The following BTLA variants were observed in gnomAD, a reference collection of about 807,000 sequenced individuals.
BTLA encodes the protein B- and T-lymphocyte attenuator.
In BTLA, 11 loss-of-function variants were observed where a neutral mutation model predicts 25.0. The ratio of observed to expected loss-of-function variants is 0.44; its 90% CI spans 0.28 to 0.73. The LOEUF is 0.73. Ranked by LOEUF, BTLA falls within the 30% of genes least tolerant of loss-of-function variation. The probability of loss-of-function intolerance (pLI) is 0.15; values close to 1 mark genes in which losing one functional copy is unlikely to be tolerated. For synonymous variants in BTLA, 104 were observed against 119.8 expected (o/e 0.87, Z 0.86); for missense variants, 282 against 332.8 (o/e 0.85, Z 1.19).
intron 1 of BTLA, among the ~76,000 whole-genome samples, chr3:112,483,554 T>A (rs902084174): frequency 6.6e-6 from 1 of 152,186 alleles, no homozygotes; most frequent in South Asian, 2.1e-4. Flanking sequence ...GGACGTTGCA[T>A]GCTGGTTGTT....
chr3:112,481,620 G>A, intron 1 of BTLA, among the ~76,000 whole-genome samples: 1 of 152,194 alleles, frequency 6.6e-6, no homozygotes, highest in Non-Finnish European at 1.5e-5. Flanking sequence ...AGCCTCAAAG[G>A]CTTTGAAATG....
intron 2 of BTLA, among the ~76,000 whole-genome samples, chr3:112,477,358 T>A (rs75845963): frequency 8.2e-4 from 1 of 1,222 alleles, no homozygotes; most frequent in African/African-American, 9.2e-4. Flanking sequence ...ATTTTCTGTG[T>A]TTTTTTTTTT....
At chr3:112,480,780 A>C (rs2082313955) in intron 1 of BTLA, among the ~76,000 whole-genome samples, 1 of 152,202 alleles carries the variant, frequency 6.6e-6, no homozygotes, top group Non-Finnish European at 1.5e-5. Flanking sequence ...GGGGGCATTC[A>C]AACCATAGCA....
chr3:112,473,150 GA>G (rs1336138017), intron 2 of BTLA, among the ~76,000 whole-genome samples: 1 of 151,536 alleles, frequency 6.6e-6, no homozygotes, highest in African/African-American at 2.4e-5. Flanking sequence ...CTGAAATAGA[GA>G]AACAAGGTAA....
At chr3:112,489,283 G>A (rs190579806) in intron 1 of BTLA, among the ~76,000 whole-genome samples, 2 of 152,138 alleles carry the variant, frequency 1.3e-5, no homozygotes, top group East Asian at 1.9e-4. Context: ...GTATAGTCTC[G>A]TAACTCCCAG....
In BTLA at chr3:112,492,163, A is replaced by G. The variant is rs17515829; in HGVS notation, c.88+7108T>C. On this transcript the variant is annotated intron_variant, in intron 1 of 4. Transcript: ENST00000334529. ...AGGCCAGAGGATTCATATGCATTGCACTCCTTAGAGCCCTGTCTACTCTGT... is the reference window on the plus strand; with the variant it reads ...AGGCCAGAGGATTCATATGCATTGCGCTCCTTAGAGCCCTGTCTACTCTGT... Among the ~76,000 whole-genome samples, 1,242 of 152,142 alleles carry G rather than the reference A, an allele frequency of 8.2e-3. 5 individuals are homozygous for G. Among genetic ancestry groups the G allele is most frequent in the Middle Eastern group, 0.017 (5 of 294 alleles).
At chr3:112,485,756 A>G (rs757241833) in intron 1 of BTLA, among the ~76,000 whole-genome samples, 2 of 152,108 alleles carry the variant, frequency 1.3e-5, no homozygotes, top group Non-Finnish European at 2.9e-5. Flanking sequence ...TCAAGCATTC[A>G]TATCTGATGA....
intron 2 of BTLA, among the ~76,000 whole-genome samples, chr3:112,476,164 G>A (rs535440902): frequency 2.6e-5 from 4 of 152,154 alleles, no homozygotes; most frequent in African/African-American, 9.7e-5. Context: ...TCCTGAAGAG[G>A]TTTATAAGCC....
intron 4 of BTLA, 80 bp downstream of exon 4, chr3:112,469,678 G>A: frequency 1.0e-6 from 1 of 995,544 alleles, no homozygotes; most frequent in South Asian, 1.4e-5. Flanking sequence ...GGCACATGGT[G>A]TTATATAAAT....
Position 112,471,252 on chromosome 3 carries a change from A to G in BTLA, c.507T>C (p.Thr169=). 1 of 1,614,144 alleles carries G rather than the reference A, an allele frequency of 6.2e-7. No individual in the cohort carries two copies. Among genetic ancestry groups the G allele is most frequent in the South Asian group, 1.1e-5 (1 of 91,076 alleles). The change falls in exon 3 of 5, where the codon ACT becomes ACC. Residue 169 remains threonine (T), a synonymous_variant. Coordinates refer to ENST00000334529, the MANE Select transcript of BTLA (RefSeq NM_181780.4). ...GGCAGCAGAACAGGCAGAAACAGGT[A>G]GTGATGAGTAGAGGCAATCCCCCCA... The part of the protein sequence containing the change: ...LPLGGLPLLI[T]TCFCLFCCLR...
rs142259856 is a variant in BTLA, at chr3:112,491,873, C to A, written c.88+7398G>T. 4.5e-3 allele frequency among the ~76,000 whole-genome samples: 690 copies of A among 152,206 alleles called. 4 individuals are homozygous for A. The highest frequency in any genetic ancestry group is 0.016 in the African/African-American group (646 of 41,540). On this transcript the variant is annotated intron_variant, in intron 1 of 4. Coordinates refer to ENST00000334529, the MANE Select transcript of BTLA (RefSeq NM_181780.4). ...AGTGGTGCATAATAACTAGTATATA[C>A]ACCAGGCAAAAATATATCTATATAA... is the stretch of plus-strand genomic sequence containing the variant.
intron 1 of BTLA, among the ~76,000 whole-genome samples, chr3:112,488,420 T>C (rs1279269017): frequency 1.3e-5 from 2 of 151,956 alleles, no homozygotes; most frequent in Non-Finnish European, 2.9e-5. Flanking sequence ...GACGGGGTTT[T>C]ACCCGGTTAA....
chr3:112,476,426 T>C (rs185887866), intron 2 of BTLA, among the ~76,000 whole-genome samples: 82 of 152,348 alleles, frequency 5.4e-4, no homozygotes, highest in Admixed American at 1.6e-3. Context: ...AAAGTAAGCA[T>C]ATAAAGTAAC....
intron 1 of BTLA, among the ~76,000 whole-genome samples, chr3:112,495,694 C>T (rs1029374220): frequency 7.9e-5 from 12 of 152,172 alleles, no homozygotes; most frequent in African/African-American, 2.7e-4. Flanking sequence ...TCCATATGCA[C>T]ATTTCAATAA....
At chr3:112,488,858 C>A (rs975252774) in intron 1 of BTLA, among the ~76,000 whole-genome samples, 1 of 152,076 alleles carries the variant, frequency 6.6e-6, no homozygotes, top group African/African-American at 2.4e-5. Flanking sequence ...GTGATCCACC[C>A]GCCTTGGCCT....
In BTLA at chr3:112,490,730, A is replaced by T. The variant is rs200315675; in HGVS notation, c.88+8541T>A. ...AAATCTACATTTATGCCCATTATTT[A>T]AAAAAAAAAAGCAACCATGAAACAA... is the stretch of plus-strand genomic sequence containing the variant. On this transcript the variant is annotated intron_variant, in intron 1 of 4. Transcript: ENST00000334529. 2.8e-3 allele frequency among the ~76,000 whole-genome samples: 8 copies of T among 2,870 alleles called. No individual in the cohort carries two copies. The Non-Finnish European group carries it at 0.037, about 13-fold the overall frequency. 1.9% of individuals were successfully genotyped at this position (2,870 alleles called of 152,430 possible).
chr3:112,498,567 CCTT>C (rs2082423058), intron 1 of BTLA, among the ~76,000 whole-genome samples: 2 of 120,940 alleles, frequency 1.7e-5, no homozygotes, highest in South Asian at 2.5e-4. Flanking sequence ...AAAGAAATTG[CCTT>C]TTTTTTTTTT....
At chr3:112,484,745 T>G (rs1319986840) in intron 1 of BTLA, among the ~76,000 whole-genome samples, 1 of 152,186 alleles carries the variant, frequency 6.6e-6, no homozygotes. Context: ...AGAGCTAGCT[T>G]TTTGTGTTGG....
chr3:112,491,044 T>A (rs557505097), intron 1 of BTLA, among the ~76,000 whole-genome samples: 23 of 152,224 alleles, frequency 1.5e-4, no homozygotes, highest in Non-Finnish European at 2.8e-4. Flanking sequence ...ATGTTTGAAA[T>A]AATTCTGAAC....
Sources: allele counts gnomAD v4.1 joint callset (sites outside exome capture counted in the v4.1 genomes callset), GRCh38; gene constraint gnomAD v4.1.1; transcripts MANE v1.5; gene names NCBI Gene and HGNC (gene_info 2026-07-23, HGNC 2026-07-21).